Variants in SLC25A13 observed in about 807,000 individuals in gnomAD.
The protein encoded by SLC25A13 is electrogenic aspartate/glutamate antiporter SLC25A13, mitochondrial.
SLC25A13 carries 70 observed loss-of-function variants against 85.5 expected under a neutral mutation model. The observed-to-expected ratio is 0.82, with a 90% confidence interval of 0.68 to 1.00. The LOEUF (loss-of-function observed/expected upper bound fraction) is 1.00, where lower values mean the gene tolerates loss of function less well. Among genes scored for constraint, SLC25A13 ranks in the 50% least tolerant of loss-of-function variants. The pLI is 0.00. For synonymous variants in SLC25A13, 259 were observed against 288.7 expected (o/e 0.90, Z 1.04); for missense variants, 765 against 819.8 (o/e 0.93, Z 0.82).
intron 1 of SLC25A13, among the ~76,000 whole-genome samples, chr7:96,314,457 T>C (rs746456595): frequency 7.9e-5 from 12 of 152,130 alleles, no homozygotes; most frequent in Non-Finnish European, 1.3e-4. Flanking sequence ...GCTAAAGGAA[T>C]TGTATCACTA....
intron 5 of SLC25A13, among the ~76,000 whole-genome samples, chr7:96,205,360 C>T (rs117021210): frequency 2.3e-3 from 354 of 152,266 alleles, no homozygotes; most frequent in Non-Finnish European, 3.6e-3. Flanking sequence ...AGTAGACATA[C>T]GTGGAGAGGT....
At position 96,121,895 on chromosome 7, in the gene SLC25A13, C is replaced by G. The variant is rs750300786; in HGVS notation, c.1694G>C (p.Cys565Ser). ...TTCTTCACGCAGTATCTTTCTAAAG[C>G]AGTCTATCACTCCGCTGTAAGTGGT... ...GQTTYSGVID[C>S]FRKILREEGP... is the part of the protein sequence containing the mutation. The change falls in exon 16 of 18, where the codon TGC becomes TCC. Residue 565 changes from cysteine (C) to serine (S), a missense_variant. Cys to Ser is a moderately radical substitution (Grantham distance 112). Coordinates refer to ENST00000265631, the MANE Select transcript of SLC25A13 (RefSeq NM_014251.3). The G allele has an allele frequency of 3.7e-6, 6 of 1,614,170 alleles. No individual in the cohort carries two copies. Among genetic ancestry groups the G allele is most frequent in the Non-Finnish European group, 5.1e-6 (6 of 1,180,038 alleles).
At chr7:96,242,158 A>C (rs1797022601) in intron 3 of SLC25A13, among the ~76,000 whole-genome samples, 1 of 152,206 alleles carries the variant, frequency 6.6e-6, no homozygotes, top group African/African-American at 2.4e-5. Flanking sequence ...GCAGAAGCCA[A>C]GCAATTGTCC....
Position 96,121,298 on chromosome 7 carries a change from T to G in SLC25A13, c.1921A>C (p.Lys641Gln). The G allele has an allele frequency of 6.2e-7, 1 of 1,614,198 alleles. No homozygotes were observed. The highest frequency in any genetic ancestry group is 1.1e-5 in the South Asian group (1 of 91,078). ...APNPDHVGGY[K>Q]LAVATFAGIE... ...CCTGCAAATGTAGCAACTGCCAGTT[T>G]GTAGCCCCCAACGTGATCAGGATTC... is the stretch of plus-strand genomic sequence containing the variant. The change falls in exon 18 of 18, where the codon AAA (lysine) becomes CAA (glutamine). Residue 641 changes from lysine to glutamine, a missense_variant. Lys to Gln is a moderately conservative substitution (Grantham distance 53). Transcript: ENST00000265631.
At chr7:96,275,716 T>C (rs1798422014) in intron 3 of SLC25A13, among the ~76,000 whole-genome samples, 3 of 151,442 alleles carry the variant, frequency 2.0e-5, no homozygotes, top group African/African-American at 7.3e-5. Flanking sequence ...AAGGGGAACA[T>C]CACACACTGG....
At chr7:96,316,457 C>A (rs1021318433) in intron 1 of SLC25A13, among the ~76,000 whole-genome samples, 6 of 152,102 alleles carry the variant, frequency 3.9e-5, no homozygotes, top group Non-Finnish European at 5.9e-5. Context: ...CACATCCATA[C>A]CCGATGGCAT....
intron 5 of SLC25A13, among the ~76,000 whole-genome samples, chr7:96,200,512 C>T (rs867661348): frequency 1.3e-5 from 2 of 151,988 alleles, no homozygotes; most frequent in South Asian, 2.1e-4. Flanking sequence ...TAAGTAGTTA[C>T]CATTCTTAAT....
chr7:96,187,086 T>C (rs141313961), intron 9 of SLC25A13, among the ~76,000 whole-genome samples: 2 of 152,338 alleles, frequency 1.3e-5, no homozygotes, highest in African/African-American at 4.8e-5. Flanking sequence ...GTGTTTTTGA[T>C]GCCAGAACAT....
At chr7:96,268,408 G>A (rs148933845) in intron 3 of SLC25A13, among the ~76,000 whole-genome samples, 29 of 152,200 alleles carry the variant, frequency 1.9e-4, no homozygotes, top group African/African-American at 3.6e-4. Context: ...GTTCAGTTAC[G>A]TGGTACAGTA....
intron 2 of SLC25A13, among the ~76,000 whole-genome samples, chr7:96,280,772 A>G (rs898119470): frequency 6.6e-6 from 1 of 152,132 alleles, no homozygotes; most frequent in African/African-American, 2.4e-5. Flanking sequence ...AAGATAACGA[A>G]AAAGAATAAT....
rs566337433 is a variant in SLC25A13, at chr7:96,213,417, T to C, written c.329-4440A>G. 1.6e-4 allele frequency among the ~76,000 whole-genome samples: 24 copies of C among 152,316 alleles called. No homozygotes were observed. The South Asian group carries it at 3.9e-3, about 25-fold the overall frequency. On this transcript the variant is annotated intron_variant, in intron 4 of 17. Coordinates refer to ENST00000265631, the MANE Select transcript of SLC25A13 (RefSeq NM_014251.3). ...CAAGTCCCAGCTCTCATTTTATAGC[T>C]GAAAAATCAGAAATGAAAATCCAAA...
chr7:96,183,224 ATGGAAC>A (rs1406203829), intron 11 of SLC25A13, among the ~76,000 whole-genome samples: 1 of 152,152 alleles, frequency 6.6e-6, no homozygotes, highest in African/African-American at 2.4e-5. Flanking sequence ...GACCTGCAAA[ATGGAAC>A]TTCTCTGGAG....
Position 96,120,291 on chromosome 7 carries a change from A to G in SLC25A13, c.*900T>C, listed in dbSNP as rs780624692. On this transcript the variant is annotated 3_prime_UTR_variant, in exon 18 of 18. Transcript: ENST00000265631. ...CTGACCATTATGCAAGGCAACATGA[A>G]TTAAATACTTATGTCAGAACATATT... is the stretch of plus-strand genomic sequence containing the variant. 1 of 454,120 alleles carries G rather than the reference A, an allele frequency of 2.2e-6. No homozygotes were observed. The highest frequency in any genetic ancestry group is 1.6e-5 in the South Asian group (1 of 64,476). 28.1% of individuals were successfully genotyped at this position (454,120 alleles called of 1,614,324 possible). A position where few individuals can be genotyped will look rare whatever the true frequency, so the allele number is the denominator to read the frequency against.
intron 3 of SLC25A13, among the ~76,000 whole-genome samples, chr7:96,236,780 C>G (rs1157151230): frequency 6.6e-6 from 1 of 152,128 alleles, no homozygotes; most frequent in Non-Finnish European, 1.5e-5. Context: ...AATTTGGTAA[C>G]TAACAAAAAT....
Position 96,131,757 on chromosome 7 carries a change from G to A in SLC25A13, c.1577C>T (p.Ala526Val). The change falls in exon 15 of 18, where the codon GCT (alanine) becomes GTT (valine). Residue 526 changes from alanine to valine, a missense_variant. Coordinates refer to ENST00000265631, the MANE Select transcript of SLC25A13 (RefSeq NM_014251.3). ...GQVSPGSLLLAGAIAGMPAAS... is the reference protein window; with the variant it reads ...GQVSPGSLLLVGAIAGMPAAS... ...GGGACACTCACCAGCTATGGCACCA[G>A]CTAAGAGCAGGCTTCCTGGGCTAAC... 6.2e-7 allele frequency: 1 copy of A among 1,614,048 alleles called. No individual in the cohort carries two copies. Among genetic ancestry groups the A allele is most frequent in the Non-Finnish European group, 8.5e-7 (1 of 1,179,994 alleles).
At chr7:96,217,665 T>C (rs952413863) in intron 4 of SLC25A13, among the ~76,000 whole-genome samples, 7 of 152,150 alleles carry the variant, frequency 4.6e-5, no homozygotes, top group African/African-American at 1.7e-4. Context: ...TTATATGAAA[T>C]GTCTAGAATA....
intron 5 of SLC25A13, among the ~76,000 whole-genome samples, chr7:96,206,200 T>C (rs928195055): frequency 1.3e-5 from 2 of 152,184 alleles, no homozygotes; most frequent in South Asian, 4.1e-4. Context: ...CAGTGGCAGC[T>C]TGTTCACATT....
intron 13 of SLC25A13, among the ~76,000 whole-genome samples, chr7:96,155,048 C>T (rs1793206514): frequency 6.6e-6 from 1 of 152,154 alleles, no homozygotes; most frequent in African/African-American, 2.4e-5. Context: ...GATCCACCCA[C>T]CTTGGCCTCC....
chr7:96,125,755 T>G (rs868750627), intron 15 of SLC25A13, among the ~76,000 whole-genome samples: 87 of 140,328 alleles, frequency 6.2e-4, no homozygotes, highest in African/African-American at 2.4e-3. Flanking sequence ...CTAGAGGGGT[T>G]TTTTTTTTTT....
Sources: gnomAD v4.1 joint callset for allele counts (sites outside exome capture counted in the v4.1 genomes callset) on GRCh38, gnomAD v4.1.1 for gene constraint, MANE v1.5 for transcripts, NCBI Gene and HGNC (gene_info 2026-07-23, HGNC 2026-07-21) for gene names.